Variants in SHPK observed in about 807,000 individuals in gnomAD.
The protein encoded by SHPK is carbohydrate kinase-like protein.
A neutral mutation model predicts 46.3 loss-of-function variants in SHPK; 51 were observed. That is an observed-to-expected ratio of 1.10 (90% CI 0.88 to 1.39). SHPK has a LOEUF of 1.39. Among genes scored for constraint, SHPK ranks in the 40% most tolerant of loss-of-function variants. The pLI is 0.00. For missense variants in SHPK, 668 were observed against 641.3 expected (o/e 1.04, Z -0.45); for synonymous variants, 290 against 273.9 (o/e 1.06, Z -0.58).
chr17:3,620,422 G>A (rs914532269), intron 5 of SHPK, among the ~76,000 whole-genome samples: 1 of 151,840 alleles, frequency 6.6e-6, no homozygotes, highest in African/African-American at 2.4e-5. Flanking sequence ...CACTATGCCT[G>A]GCTAATTTTT....
At position 3,610,541 on chromosome 17, in the gene SHPK, T is replaced by C. The variant is rs1188064082; in HGVS notation, c.*19A>G. 3 of 1,578,686 alleles carry C rather than the reference T, an allele frequency of 1.9e-6. No homozygotes were observed. Among genetic ancestry groups the C allele is most frequent in the Non-Finnish European group, 2.6e-6 (3 of 1,157,634 alleles). ...TCAGGTAAAATTCACAGCAGTCGTT[T>C]GGCGAAAGAGTTTGCTGTCTAAGAT... On this transcript the variant is annotated 3_prime_UTR_variant, in exon 7 of 7. Coordinates refer to ENST00000225519, the MANE Select transcript of SHPK (RefSeq NM_013276.4).
chr17:3,622,747 C>G (rs2075410556), intron 4 of SHPK: 1 of 224,430 alleles, frequency 4.5e-6, no homozygotes, highest in South Asian at 1.7e-4. Flanking sequence ...CTCTGTCCCC[C>G]AGGCTGGAGT....
chr17:3,629,154 A>G (rs2075455432), intron 2 of SHPK, among the ~76,000 whole-genome samples: 1 of 152,116 alleles, frequency 6.6e-6, no homozygotes, highest in African/African-American at 2.4e-5. Flanking sequence ...TCACCTGCTG[A>G]AATATGACCC....
Position 3,636,121 on chromosome 17 carries a change from T to C in SHPK, c.99A>G (p.Ala33=), listed in dbSNP as rs768972920. 1 of 1,610,228 alleles carries C rather than the reference T, an allele frequency of 6.2e-7. No homozygotes were observed. Among genetic ancestry groups the C allele is most frequent in the East Asian group, 2.2e-5 (1 of 44,746 alleles). Residue 33 remains alanine, a synonymous_variant, in exon 1 of 7, where the codon GCA becomes GCG. Coordinates refer to ENST00000225519, the MANE Select transcript of SHPK (RefSeq NM_013276.4). ...RAAPDDPSGF[A]VLASCARAAR... ...CAGCACGGGCACAGCTCGCCAGCACTGCGAACCCGGATGGGTCGTCGGGCG... is the reference window on the plus strand; with the variant it reads ...CAGCACGGGCACAGCTCGCCAGCACCGCGAACCCGGATGGGTCGTCGGGCG...
chr17:3,630,272 G>C lies in SHPK; in HGVS notation c.243C>G (p.Leu81=). 1.9e-6 allele frequency: 3 copies of C among 1,613,766 alleles called. No homozygotes were observed. The highest frequency in any genetic ancestry group is 2.5e-6 in the Non-Finnish European group (3 of 1,180,022). The change falls in exon 2 of 7, where the codon CTC becomes CTG. Residue 81 remains leucine, a synonymous_variant. Coordinates refer to ENST00000225519, the MANE Select transcript of SHPK (RefSeq NM_013276.4). ...ACACCCCGATGCCCACGACGCTCCGGAGCTGGGGTCGGGGAAGGGCAGCAA... is the reference window on the plus strand; with the variant it reads ...ACACCCCGATGCCCACGACGCTCCGCAGCTGGGGTCGGGGAAGGGCAGCAA... ...ECLAALPRPQ[L]RSVVGIGVSG... is the part of the protein sequence containing the mutation.
At chr17:3,631,511 G>GGTTTTT in intron 1 of SHPK, among the ~76,000 whole-genome samples, 1 of 38,274 alleles carries the variant, frequency 2.6e-5, no homozygotes, top group Non-Finnish European at 4.7e-5. Flanking sequence ...CTAATTTAAT[G>GGTTTTT]CTTTTTTTTT....
chr17:3,630,308 T>C lies in SHPK; in HGVS notation c.207A>G (p.Leu69=), dbSNP rs1050895006. ...GGGGAAGGGCAGCAAGGCACTCGTG[T>C]AGGGCTTGGAGGATTCTACTCACAT... The part of the protein sequence containing the change: ...EQDVSRILQA[L]HECLAALPRP... The change falls in exon 2 of 7, where the codon CTA becomes CTG. Residue 69 remains leucine, a synonymous_variant. Transcript: ENST00000225519. The C allele has an allele frequency of 6.8e-6, 11 of 1,613,366 alleles. No homozygotes were observed. Among genetic ancestry groups the C allele is most frequent in the African/African-American group, 5.3e-5 (4 of 74,904 alleles).
chr17:3,635,256 G>A (rs1033165038), intron 1 of SHPK, among the ~76,000 whole-genome samples: 2 of 108,512 alleles, frequency 1.8e-5, no homozygotes, highest in South Asian at 3.4e-4. Flanking sequence ...GGAAGGAAGG[G>A]AAGGAGTCTC....
rs1312463702 is a variant in SHPK, at chr17:3,608,486, G to A, written c.*2074C>T. 3.9e-5 allele frequency: 6 copies of A among 152,120 alleles called. 1 individual carries two copies. The highest frequency in any genetic ancestry group is 1.3e-4 in the Admixed American group (2 of 15,252). The allele number at this position is 152,120 out of a possible 1,614,324, so 9.4% of individuals were successfully genotyped here. ...TCTGACGACTAAGTGACTGACCGGC[G>A]GGGAGCATCTACGGCCTGGACGTGG... On this transcript the variant is annotated 3_prime_UTR_variant, in exon 7 of 7. Coordinates refer to ENST00000225519, the MANE Select transcript of SHPK (RefSeq NM_013276.4).
intron 2 of SHPK, among the ~76,000 whole-genome samples, chr17:3,626,034 C>CA (rs2075434589): frequency 6.6e-6 from 1 of 150,528 alleles, no homozygotes; most frequent in Non-Finnish European, 1.5e-5. Context: ...GCCTGGGCAA[C>CA]AGAGTGAGGC....
chr17:3,623,212 A>G, intron 4 of SHPK, 127 bp downstream of exon 4: 1 of 1,030,342 alleles, frequency 9.7e-7, no homozygotes, highest in Non-Finnish European at 1.5e-6. Context: ...GGGGCACTGG[A>G]CCCTGATCCT....
intron 6 of SHPK, among the ~76,000 whole-genome samples, chr17:3,611,798 G>GC (rs2075341571): frequency 1.1e-5 from 1 of 92,122 alleles, no homozygotes; most frequent in Non-Finnish European, 2.0e-5. Context: ...AGCTCTGCGG[G>GC]TTTTTTTTTT....
intron 5 of SHPK, among the ~76,000 whole-genome samples, chr17:3,619,602 G>A (rs1346797839): frequency 6.6e-6 from 1 of 152,014 alleles, no homozygotes; most frequent in Non-Finnish European, 1.5e-5. Context: ...CCATGGTGGT[G>A]TGCGCCTGTA....
chr17:3,635,723 G>A (rs2075516931), intron 1 of SHPK, among the ~76,000 whole-genome samples: 1 of 152,158 alleles, frequency 6.6e-6, no homozygotes, highest in African/African-American at 2.4e-5. Flanking sequence ...GAGGCCTGTG[G>A]TCATTCCATA....
chr17:3,612,648 T>C (rs8082676), intron 6 of SHPK, among the ~76,000 whole-genome samples: 21,423 of 152,062 alleles, frequency 0.14, 4,994 homozygotes, highest in African/African-American at 0.49. Context: ...ACACTTGCAG[T>C]TGATTCTTAT....
At chr17:3,613,722 A>G (rs1261653238) in intron 6 of SHPK, among the ~76,000 whole-genome samples, 4 of 152,068 alleles carry the variant, frequency 2.6e-5, no homozygotes, top group African/African-American at 9.7e-5. Context: ...TTCAGGAAAA[A>G]AAGTTTTCTT....
rs980690206 is a variant in SHPK, at chr17:3,613,243, G to C, written c.1024+2094C>G. On this transcript the variant is annotated intron_variant, in intron 6 of 6. Coordinates refer to ENST00000225519, the MANE Select transcript of SHPK (RefSeq NM_013276.4). ...CCTGAGGAACTTTTATAAAACTCATGCTCAAGGCCCACACCCCAGGTCCAA... is the reference window on the plus strand; with the variant it reads ...CCTGAGGAACTTTTATAAAACTCATCCTCAAGGCCCACACCCCAGGTCCAA... Among the ~76,000 whole-genome samples the C allele has an allele frequency of 7.2e-5, 11 of 152,288 alleles. 2 individuals are homozygous for C. The highest frequency in any genetic ancestry group is 1.9e-4 in the East Asian group (1 of 5,182).
In SHPK at chr17:3,610,963, A is replaced by G; in HGVS notation, c.1034T>C (p.Val345Ala). Residue 345 changes from valine to alanine, a missense_variant, in exon 7 of 7, where the codon GTT becomes GCT. By Grantham distance (64) the Val-to-Ala change is moderately conservative. Coordinates refer to ENST00000225519, the MANE Select transcript of SHPK (RefSeq NM_013276.4). ...GCGTGAATACACAGTGGATTCTTCA[A>G]CCTCCAGGCCTGCCAGAGACAGAGA... ...VQWMADLGLE[V>A]EESTVYSRMI... 6.2e-7 allele frequency: 1 copy of G among 1,604,472 alleles called. No homozygotes were observed. Among genetic ancestry groups the G allele is most frequent in the Non-Finnish European group, 8.5e-7 (1 of 1,172,932 alleles).
Position 3,610,592 on chromosome 17 carries a change from G to A in SHPK, c.1405C>T (p.Leu469Phe). The A allele has an allele frequency of 1.2e-6, 2 of 1,610,008 alleles. No individual in the cohort carries two copies. Among genetic ancestry groups the A allele is most frequent in the East Asian group, 2.2e-5 (1 of 44,730 alleles). ...DAAVGAALVM[L>F]RRHLNQKES ...TCCTTCTGGTTGAGGTGTCTCCGGA[G>A]CATGACCAGAGCTGCCCCGACAGCT... The change falls in exon 7 of 7, where the codon CTC (leucine) becomes TTC (phenylalanine). Residue 469 changes from leucine to phenylalanine, a missense_variant. Physicochemically the swap from Leu to Phe is conservative, Grantham distance 22. Transcript: ENST00000225519.
Sources: gnomAD v4.1 joint callset for allele counts (sites outside exome capture counted in the v4.1 genomes callset) on GRCh38, gnomAD v4.1.1 for gene constraint, MANE v1.5 for transcripts, NCBI Gene and HGNC (gene_info 2026-07-23, HGNC 2026-07-21) for gene names.